LGALS3BP: variants seen among roughly 807,000 people sequenced by gnomAD.
The protein encoded by LGALS3BP is galectin 3 binding protein.
LGALS3BP carries 25 observed loss-of-function variants against 22.9 expected under a neutral mutation model. That is an observed-to-expected ratio of 1.09 (90% CI 0.80 to 1.53). The LOEUF (loss-of-function observed/expected upper bound fraction) is 1.53. Among genes scored for constraint, LGALS3BP ranks in the 40% most tolerant of loss-of-function variants. LGALS3BP has a pLI of 0.00. For synonymous variants in LGALS3BP, 335 were observed against 331.1 expected, an observed-to-expected ratio of 1.01 and a Z score of -0.13; for missense variants, 718 against 752.0, an observed-to-expected ratio of 0.95 and a Z score of 0.53.
At position 78,976,068 on chromosome 17, in the gene LGALS3BP, A is replaced by G. The variant is rs781431762; in HGVS notation, c.141T>C (p.Thr47=). Reference sequence around the variant, plus strand: ...TCAGGTCCCACAGGTTGTCACACACAGTGCCCCACTGGCCTCTGTAGAAGA... The same window carrying G: ...TCAGGTCCCACAGGTTGTCACACACGGTGCCCCACTGGCCTCTGTAGAAGA... The part of the protein sequence containing the change: ...VEIFYRGQWG[T]VCDNLWDLTD... The change falls in exon 3 of 6, where the codon ACT becomes ACC. Residue 47 remains threonine (T), a synonymous_variant. Coordinates refer to ENST00000262776, the MANE Select transcript of LGALS3BP (RefSeq NM_005567.4). This position sits in a 1 kb window ranked among gnomAD's most constrained non-coding sequence, Gnocchi z 4.6. The G allele has an allele frequency of 1.2e-6, 2 of 1,611,988 alleles. No individual in the cohort carries two copies. Among genetic ancestry groups the G allele is most frequent in the South Asian group, 1.1e-5 (1 of 90,768 alleles).
intron 3 of LGALS3BP, among the ~76,000 whole-genome samples, chr17:78,975,474 G>A (rs946952680): frequency 2.0e-5 from 3 of 152,178 alleles, no homozygotes; most frequent in Non-Finnish European, 4.4e-5. Context: ...AGTCCCATCA[G>A]AACTTGATCC....
chr17:78,975,750 C>T (rs1190242269), intron 3 of LGALS3BP, among the ~76,000 whole-genome samples: 1 of 123,762 alleles, frequency 8.1e-6, no homozygotes, highest in Non-Finnish European at 1.6e-5. Flanking sequence ...CGAGATTGTG[C>T]CACTGCACTC....
At chr17:78,975,918 C>T (rs769738919) in intron 3 of LGALS3BP, 47 bp downstream of exon 3, 1 of 1,428,358 alleles carries the variant, frequency 7.0e-7, no homozygotes, top group Non-Finnish European at 9.4e-7. Context: ...TGGGAGCTGG[C>T]TGTGCTGTGG....
At position 78,971,459 on chromosome 17, in the gene LGALS3BP, G is replaced by A. The variant is rs1031041862; in HGVS notation, c.*117C>T. 4.4e-6 allele frequency: 4 copies of A among 916,716 alleles called. No homozygotes were observed. Among genetic ancestry groups the A allele is most frequent in the African/African-American group, 1.7e-5 (1 of 59,606 alleles). The allele number at this position is 916,716 out of a possible 1,614,324, so 56.8% of individuals were successfully genotyped here. ...AGCTGAGCGCTCAGGTGAGTAGGGC[G>A]ACATCTGGTGGCCGGTTGTTGAAGG... On this transcript the variant is annotated 3_prime_UTR_variant, in exon 6 of 6. Transcript: ENST00000262776. This position sits in a 1 kb window ranked among gnomAD's most constrained non-coding sequence, Gnocchi z 5.6.
intron 1 of LGALS3BP, among the ~76,000 whole-genome samples, chr17:78,979,000 G>C (rs945104224): frequency 6.6e-6 from 1 of 152,026 alleles, no homozygotes; most frequent in Non-Finnish European, 1.5e-5. Context: ...GCTTGAATCC[G>C]GCAGGCAGAG....
rs1276947085 is a variant in LGALS3BP at position 78,973,791 on chromosome 17, G to A, written c.377-569C>T. 4.6e-5 allele frequency among the ~76,000 whole-genome samples: 7 copies of A among 152,310 alleles called. No individual in the cohort carries two copies. The highest frequency in any genetic ancestry group is 8.8e-5 in the Non-Finnish European group (6 of 68,032). On this transcript the variant is annotated intron_variant, in intron 4 of 5. Coordinates refer to ENST00000262776, the MANE Select transcript of LGALS3BP (RefSeq NM_005567.4). This position sits in a 1 kb window ranked among gnomAD's most constrained non-coding sequence, Gnocchi z 5.8. The stretch of plus-strand genomic sequence containing the variant: ...CCTAACTCAAAATGAAATCCCATAG[G>A]TTTTTCTTCGCCACAAATATAGTAG...
intron 1 of LGALS3BP, 75 bp from the exon 2 acceptor site, chr17:78,977,289 T>TCAC: frequency 1.6e-6 from 2 of 1,260,616 alleles, no homozygotes; most frequent in East Asian, 2.3e-5. Context: ...GCCTGCCCAT[T>TCAC]CACCCTTCAG....
At chr17:78,977,032 C>G in intron 2 of LGALS3BP, 108 bp downstream of exon 2, 1 of 1,175,490 alleles carries the variant, frequency 8.5e-7, no homozygotes, top group Non-Finnish European at 1.3e-6. Flanking sequence ...TGGCTAACCG[C>G]TGGGCCCCGG....
chr17:78,977,388 C>T lies in LGALS3BP; in HGVS notation c.-23-174G>A, dbSNP rs930275082. ...GTGTGACGTGTGCTGTGGATGCCCCCGCGGGGGCCCCTCACCTGGTCTGCA... is the reference window on the plus strand; with the variant it reads ...GTGTGACGTGTGCTGTGGATGCCCCTGCGGGGGCCCCTCACCTGGTCTGCA... On this transcript the variant is annotated intron_variant, in intron 1 of 5. Coordinates refer to ENST00000262776, the MANE Select transcript of LGALS3BP (RefSeq NM_005567.4). The T allele has an allele frequency of 3.0e-4, 177 of 598,242 alleles. No homozygotes were observed. The East Asian group carries it at 4.0e-3, about 14-fold the overall frequency. The allele number at this position is 598,242 out of a possible 1,614,324, so 37.1% of individuals were successfully genotyped here. A position where few individuals can be genotyped will look rare whatever the true frequency, so the allele number is the denominator to read the frequency against.
rs1029673167 is a variant in LGALS3BP, at chr17:78,973,275, C to T, written c.377-53G>A. ...TGCGTTAGGAGCCGGGGCACTGCCA[C>T]TCTCTGGGGTCAGTGTCTTCATCTG... On this transcript the variant is annotated intron_variant, in intron 4 of 5. Coordinates refer to ENST00000262776, the MANE Select transcript of LGALS3BP (RefSeq NM_005567.4). The surrounding 1 kb of genome is among the most constrained non-coding windows in gnomAD (Gnocchi z 5.8). 46 of 1,452,234 alleles carry T rather than the reference C, an allele frequency of 3.2e-5. No homozygotes were observed. Among genetic ancestry groups the T allele is most frequent in the Non-Finnish European group, 3.6e-5 (40 of 1,104,190 alleles). The allele number at this position is 1,452,234 out of a possible 1,614,324, so 90.0% of individuals were successfully genotyped here. A position where few individuals can be genotyped will look rare whatever the true frequency, so the allele number is the denominator to read the frequency against.
intron 1 of LGALS3BP, among the ~76,000 whole-genome samples, chr17:78,977,736 G>A (rs1408166608): frequency 3.9e-5 from 6 of 152,182 alleles, no homozygotes; most frequent in Admixed American, 1.3e-4. Flanking sequence ...GAGGGGACTC[G>A]TCAGGAGAGG....
chr17:78,972,127 T>C lies in LGALS3BP; in HGVS notation c.1207A>G (p.Thr403Ala). Reference protein sequence around the residue: ...RYKGLNLTEDTYKPRIYTSPT... With the variant: ...RYKGLNLTEDAYKPRIYTSPT... ...GAGGTGTAAATCCGGGGCTTGTAGG[T>C]ATCCTCGGTGAGGTTCAGGCCTTTG... The change falls in exon 6 of 6, where the codon ACC (threonine) becomes GCC (alanine). Residue 403 changes from threonine (T) to alanine (A), a missense_variant. By Grantham distance (58) the Thr-to-Ala change is moderately conservative. Coordinates refer to ENST00000262776, the MANE Select transcript of LGALS3BP (RefSeq NM_005567.4). The surrounding 1 kb of genome is among the most constrained non-coding windows in gnomAD (Gnocchi z 5.1). 1 of 1,613,316 alleles carries C rather than the reference T, an allele frequency of 6.2e-7. No homozygotes were observed. The highest frequency in any genetic ancestry group is 1.1e-5 in the South Asian group (1 of 91,070).
chr17:78,971,649 G>T lies in LGALS3BP; in HGVS notation c.1685C>A (p.Pro562Gln). Residue 562 changes from proline (P) to glutamine (Q), a missense_variant, in exon 6 of 6, where the codon CCG becomes CAG. Transcript: ENST00000262776. This position sits in a 1 kb window ranked among gnomAD's most constrained non-coding sequence, Gnocchi z 5.6. ...SSKSTSSFPC[P>Q]AGHFNGFRTV... is the part of the protein sequence containing the mutation. ...GCGGAAGCCGTTGAAGTGCCCTGCC[G>T]GGCAGGGGAAGGAGGAGGTGCTCTT... The T allele has an allele frequency of 1.9e-6, 3 of 1,613,786 alleles. No homozygotes were observed. The highest frequency in any genetic ancestry group is 2.5e-6 in the Non-Finnish European group (3 of 1,180,020).
chr17:78,976,878 C>A lies in LGALS3BP; in HGVS notation c.52+262G>T. Reference sequence around the variant, plus strand: ...CCCTGTGACTGCTGGTTTGATCAGCCCCTCTGGTTCCCTCTGGACGGAATG... The same window carrying A: ...CCCTGTGACTGCTGGTTTGATCAGCACCTCTGGTTCCCTCTGGACGGAATG... On this transcript the variant is annotated intron_variant, in intron 2 of 5. Coordinates refer to ENST00000262776, the MANE Select transcript of LGALS3BP (RefSeq NM_005567.4). This position sits in a 1 kb window ranked among gnomAD's most constrained non-coding sequence, Gnocchi z 4.6. 1 of 518,122 alleles carries A rather than the reference C, an allele frequency of 1.9e-6. No homozygotes were observed. The highest frequency in any genetic ancestry group is 3.4e-5 in the Admixed American group (1 of 29,116). The allele number at this position is 518,122 out of a possible 1,614,324, so 32.1% of individuals were successfully genotyped here.
At chr17:78,974,921 C>T in intron 3 of LGALS3BP, 102 bp from the exon 4 acceptor site, 1 of 1,445,772 alleles carries the variant, frequency 6.9e-7, no homozygotes, top group Non-Finnish European at 9.4e-7. Context: ...CGTGTGGGTC[C>T]ATCTGCTTAC....
At position 78,976,980 on chromosome 17, in the gene LGALS3BP, C is replaced by T. The variant is rs1310756273; in HGVS notation, c.52+160G>A. The T allele has an allele frequency of 2.8e-6, 2 of 724,328 alleles. No homozygotes were observed. Among genetic ancestry groups the T allele is most frequent in the African/African-American group, 1.8e-5 (1 of 56,924 alleles). 44.9% of individuals were successfully genotyped at this position (724,328 alleles called of 1,614,324 possible). A position where few individuals can be genotyped will look rare whatever the true frequency, so the allele number is the denominator to read the frequency against. On this transcript the variant is annotated intron_variant, in intron 2 of 5. Coordinates refer to ENST00000262776, the MANE Select transcript of LGALS3BP (RefSeq NM_005567.4). The surrounding 1 kb of genome is among the most constrained non-coding windows in gnomAD (Gnocchi z 4.6). ...GAGCCCCCGGGAACCTCCAAGTCAT[C>T]ATCACTGGGGATACCTGGTGCTTCA...
intron 1 of LGALS3BP, among the ~76,000 whole-genome samples, chr17:78,978,740 G>A (rs1265169442): frequency 2.0e-5 from 3 of 152,198 alleles, no homozygotes; most frequent in South Asian, 2.1e-4. Context: ...AGGTTTGTCC[G>A]TCCTGGGAGA....
chr17:78,973,024 T>C lies in LGALS3BP; in HGVS notation c.575A>G (p.Asn192Ser). ...CTCAGCATCCACACTCATGGTGACA[T>C]TGCTGCCCGGCTCCTTCCACAGGGC... is the stretch of plus-strand genomic sequence containing the variant. Reference protein sequence around the residue: ...AQALWKEPGSNVTMSVDAECV... With the variant: ...AQALWKEPGSSVTMSVDAECV... Residue 192 changes from asparagine (N) to serine (S), a missense_variant, in exon 5 of 6, where the codon AAT becomes AGT. By Grantham distance (46) the Asn-to-Ser change is conservative. Transcript: ENST00000262776. This position sits in a 1 kb window ranked among gnomAD's most constrained non-coding sequence, Gnocchi z 5.8. 1 of 1,613,836 alleles carries C rather than the reference T, an allele frequency of 6.2e-7. No homozygotes were observed. Among genetic ancestry groups the C allele is most frequent in the Non-Finnish European group, 8.5e-7 (1 of 1,179,958 alleles).
chr17:78,971,707 C>T lies in LGALS3BP; in HGVS notation c.1627G>A (p.Ala543Thr), dbSNP rs1386660386. 6.2e-7 allele frequency: 1 copy of T among 1,613,976 alleles called. No individual in the cohort carries two copies. Among genetic ancestry groups the T allele is most frequent in the South Asian group, 1.1e-5 (1 of 91,082 alleles). ...TTGGTGTCCAGGGCACTGGGAATCGCAGCCTTCCAGCCCTCGAAATCGGTG... is the reference window on the plus strand; with the variant it reads ...TTGGTGTCCAGGGCACTGGGAATCGTAGCCTTCCAGCCCTCGAAATCGGTG... ...DVTDFEGWKAAIPSALDTNSS... is the reference protein window; with the variant it reads ...DVTDFEGWKATIPSALDTNSS... Residue 543 changes from alanine to threonine, a missense_variant, in exon 6 of 6, where the codon GCG becomes ACG. Coordinates refer to ENST00000262776, the MANE Select transcript of LGALS3BP (RefSeq NM_005567.4). The surrounding 1 kb of genome is among the most constrained non-coding windows in gnomAD (Gnocchi z 5.6).
Sources: gnomAD v4.1 joint callset for allele counts (sites outside exome capture counted in the v4.1 genomes callset) on GRCh38, gnomAD v4.1.1 for gene constraint, Gnocchi (gnomAD v3.1) non-coding constraint, MANE v1.5 for transcripts, NCBI Gene and HGNC (gene_info 2026-07-23, HGNC 2026-07-21) for gene names.